The following TNFSF8 variants were observed in gnomAD, a reference collection of about 807,000 sequenced individuals.
TNFSF8 encodes TNF superfamily member 8.
Under a neutral mutation model 22.0 loss-of-function variants are expected in TNFSF8, and 4 were observed. The ratio of observed to expected loss-of-function variants is 0.18; its 90% CI spans 0.09 to 0.42. The LOEUF (loss-of-function observed/expected upper bound fraction) is 0.42. TNFSF8 is among the 10% of genes least tolerant of loss of function. The probability of loss-of-function intolerance (pLI) is 1.00; values close to 1 mark genes in which losing one functional copy is unlikely to be tolerated. For synonymous variants in TNFSF8, 106 were observed against 112.5 expected (o/e 0.94, Z 0.37); for missense variants, 233 against 281.8 (o/e 0.83, Z 1.24).
At chr9:114,924,542 T>A (rs1423093629) in intron 1 of TNFSF8, among the ~76,000 whole-genome samples, 1 of 152,156 alleles carries the variant, frequency 6.6e-6, no homozygotes, top group Non-Finnish European at 1.5e-5. Flanking sequence ...TTTCATATCC[T>A]TATATAGAGA....
Position 114,901,201 on chromosome 9 carries a change from G to T in TNFSF8, c.*2730C>A. ...GCATAGATATCATTTTACTCATGGA[G>T]TATCATTTGCTCATAACATTCCCAG... On this transcript the variant is annotated 3_prime_UTR_variant, in exon 4 of 4. Transcript: ENST00000223795. 1.0e-6 allele frequency: 1 copy of T among 985,432 alleles called. No homozygotes were observed. The highest frequency in any genetic ancestry group is 1.2e-6 in the Non-Finnish European group (1 of 829,918). The allele number at this position is 985,432 out of a possible 1,614,324, so 61.0% of individuals were successfully genotyped here. A position where few individuals can be genotyped will look rare whatever the true frequency, so the allele number is the denominator to read the frequency against.
At chr9:114,918,933 C>T (rs1223017973) in intron 1 of TNFSF8, among the ~76,000 whole-genome samples, 1 of 152,162 alleles carries the variant, frequency 6.6e-6, no homozygotes, top group Non-Finnish European at 1.5e-5. Context: ...TGGTGCTTTT[C>T]CCCCCTCCAT....
At chr9:114,911,665 T>C (rs1375456882) in intron 2 of TNFSF8, among the ~76,000 whole-genome samples, 1 of 152,152 alleles carries the variant, frequency 6.6e-6, no homozygotes, top group East Asian at 1.9e-4. Flanking sequence ...ACATAGGAAG[T>C]GATCAGTAAA....
chr9:114,895,688 A>G (rs1370343830), intron 4 of TNFSF8, among the ~76,000 whole-genome samples: 1 of 152,220 alleles, frequency 6.6e-6, no homozygotes. Context: ...TGTACAGCTG[A>G]GAAAATTTAA....
intron 3 of TNFSF8, 33 bp from the exon 4 acceptor site, chr9:114,904,358 G>A: frequency 6.4e-7 from 1 of 1,558,114 alleles, no homozygotes. Flanking sequence ...CAGAATTATT[G>A]AGAAGATTGT....
chr9:114,912,765 G>A (rs1219987413), intron 2 of TNFSF8, among the ~76,000 whole-genome samples: 1 of 152,214 alleles, frequency 6.6e-6, no homozygotes, highest in Non-Finnish European at 1.5e-5. Flanking sequence ...CCTAGTCTTG[G>A]ATTAATGTCA....
chr9:114,906,322 G>A (rs1827785359), intron 2 of TNFSF8, among the ~76,000 whole-genome samples: 1 of 152,214 alleles, frequency 6.6e-6, no homozygotes, highest in Admixed American at 6.5e-5. Context: ...GTGGTGCCTT[G>A]CCAGGCAGTG....
At chr9:114,910,777 C>T (rs997226111) in intron 2 of TNFSF8, among the ~76,000 whole-genome samples, 2 of 152,160 alleles carry the variant, frequency 1.3e-5, no homozygotes, top group Non-Finnish European at 2.9e-5. Flanking sequence ...CCAACCATCC[C>T]GGCCAGATGG....
At chr9:114,909,846 G>T (rs891747796) in intron 2 of TNFSF8, among the ~76,000 whole-genome samples, 1 of 152,200 alleles carries the variant, frequency 6.6e-6, no homozygotes, top group African/African-American at 2.4e-5. Flanking sequence ...GAATAGTCTG[G>T]TTCTGTAAGG....
chr9:114,898,375 G>C (rs143311077), downstream of TNFSF8, among the ~76,000 whole-genome samples: 1 of 152,180 alleles, frequency 6.6e-6, no homozygotes, highest in African/African-American at 2.4e-5. Flanking sequence ...ACATGTAAGA[G>C]CTTGATAAAT....
intron 3 of TNFSF8, among the ~76,000 whole-genome samples, chr9:114,905,220 T>G (rs1006340086): frequency 6.6e-5 from 10 of 152,250 alleles, no homozygotes; most frequent in Non-Finnish European, 1.3e-4. Context: ...CAAAATTGAA[T>G]TTTTAAAATG....
At chr9:114,929,571 G>A (rs1161124127) in intron 1 of TNFSF8, among the ~76,000 whole-genome samples, 3 of 151,976 alleles carry the variant, frequency 2.0e-5, no homozygotes, top group Non-Finnish European at 4.4e-5. Context: ...CAATGGGTGA[G>A]GCCTCAGAAA....
At chr9:114,925,602 ACAC>A (rs1828047308) in intron 1 of TNFSF8, among the ~76,000 whole-genome samples, 1 of 152,114 alleles carries the variant, frequency 6.6e-6, no homozygotes, top group African/African-American at 2.4e-5. Flanking sequence ...CCAAAATACC[ACAC>A]CACCATCACC....
In TNFSF8 at chr9:114,901,489, T is replaced by C; in HGVS notation, c.*2442A>G. ...GAGAACAGTTGGTGAAAAATGAAAATGGAATCTTTCTCGAGTTAGAATGTG... is the reference window on the plus strand; with the variant it reads ...GAGAACAGTTGGTGAAAAATGAAAACGGAATCTTTCTCGAGTTAGAATGTG... On this transcript the variant is annotated 3_prime_UTR_variant, in exon 4 of 4. Transcript: ENST00000223795. The C allele has an allele frequency of 2.0e-6, 2 of 985,318 alleles. No homozygotes were observed. Among genetic ancestry groups the C allele is most frequent in the Non-Finnish European group, 2.4e-6 (2 of 829,890 alleles). The allele number at this position is 985,318 out of a possible 1,614,324, so 61.0% of individuals were successfully genotyped here.
chr9:114,929,230 CAAAGTA>C (rs1435702062), intron 1 of TNFSF8, among the ~76,000 whole-genome samples: 4 of 152,158 alleles, frequency 2.6e-5, no homozygotes, highest in African/African-American at 7.2e-5. Flanking sequence ...CCATTTACTT[CAAAGTA>C]AATCTCCGAA....
chr9:114,917,011 G>T (rs1221211914), intron 2 of TNFSF8, among the ~76,000 whole-genome samples: 1 of 152,218 alleles, frequency 6.6e-6, no homozygotes, highest in Non-Finnish European at 1.5e-5. Context: ...TGCCTTGAAA[G>T]ATCCAGAATC....
At chr9:114,897,293 C>CTTGT (rs1827666526), downstream of TNFSF8, among the ~76,000 whole-genome samples, 1 of 151,122 alleles carries the variant, frequency 6.6e-6, no homozygotes, top group Admixed American at 6.6e-5. Flanking sequence ...TTTGGTATGG[C>CTTGT]TTGATATCTT....
intron 1 of TNFSF8, among the ~76,000 whole-genome samples, chr9:114,920,768 G>A (rs999517202): frequency 5.9e-5 from 9 of 151,968 alleles, no homozygotes; most frequent in Admixed American, 2.6e-4. Flanking sequence ...TCCTGGATTC[G>A]AGCAATTCCT....
chr9:114,921,884 G>T (rs1827992683), intron 1 of TNFSF8, among the ~76,000 whole-genome samples: 1 of 152,104 alleles, frequency 6.6e-6, no homozygotes, highest in African/African-American at 2.4e-5. Context: ...TCTGTTTTTG[G>T]CCTCTGTAGA....
Sources: gnomAD v4.1 joint callset for allele counts (sites outside exome capture counted in the v4.1 genomes callset) on GRCh38, gnomAD v4.1.1 for gene constraint, MANE v1.5 for transcripts, NCBI Gene and HGNC (gene_info 2026-07-23, HGNC 2026-07-21) for gene names.